Variants in ROR2 observed in about 807,000 individuals in gnomAD.
ROR2 encodes the protein tyrosine-protein kinase transmembrane receptor ROR2.
A neutral mutation model predicts 74.9 loss-of-function variants in ROR2; 33 were observed. The ratio of observed to expected loss-of-function variants is 0.44; its 90% CI spans 0.33 to 0.59. The LOEUF (loss-of-function observed/expected upper bound fraction) is 0.59, where lower values mean the gene tolerates loss of function less well. Ranked by LOEUF, ROR2 falls within the 20% of genes least tolerant of loss-of-function variation. The probability of loss-of-function intolerance (pLI) is 0.02; values close to 1 mark genes in which losing one functional copy is unlikely to be tolerated. For missense variants in ROR2, 1,216 were observed against 1,313.8 expected (o/e 0.93, Z 1.15); for synonymous variants, 586 against 558.7 (o/e 1.05, Z -0.69).
At chr9:91,745,611 G>C (rs1256023976) in intron 4 of ROR2, among the ~76,000 whole-genome samples, 1 of 150,740 alleles carries the variant, frequency 6.6e-6, no homozygotes, top group Non-Finnish European at 1.5e-5. Context: ...TTTTTAGTAG[G>C]GATGGGGTTT....
intron 1 of ROR2, among the ~76,000 whole-genome samples, chr9:91,804,311 C>T (rs1437477968): frequency 6.6e-6 from 1 of 152,180 alleles, no homozygotes; most frequent in African/African-American, 2.4e-5. Flanking sequence ...TGATTTGAAA[C>T]GTTGAGGCAA....
At chr9:91,768,118 C>A (rs1298515638) in intron 2 of ROR2, among the ~76,000 whole-genome samples, 1 of 152,180 alleles carries the variant, frequency 6.6e-6, no homozygotes, top group Non-Finnish European at 1.5e-5. Flanking sequence ...GCCAGCAATG[C>A]CTGGAGCTCA....
chr9:91,780,071 G>A (rs1242803800), intron 1 of ROR2, among the ~76,000 whole-genome samples: 3 of 152,196 alleles, frequency 2.0e-5, no homozygotes, highest in Admixed American at 6.5e-5. Flanking sequence ...TGCAATAGCT[G>A]GAGGTGCAGA....
In ROR2 at chr9:91,866,417, C is replaced by CTT. The variant is rs59024037; in HGVS notation, c.97+83448_97+83449dup. Among the ~76,000 whole-genome samples, 266 of 103,882 alleles carry CTT rather than the reference C, an allele frequency of 2.6e-3. 3 individuals carry two copies. Among genetic ancestry groups the CTT allele is most frequent in the Middle Eastern group, 7.1e-3 (1 of 140 alleles). The allele number at this position is 103,882 out of a possible 152,430, so 68.2% of individuals were successfully genotyped here. On this transcript the variant is annotated intron_variant, in intron 1 of 8. Coordinates refer to ENST00000375708, the MANE Select transcript of ROR2 (RefSeq NM_004560.4). ...ACAGGCATAAGCCACCACGCCCAGT[C>CTT]TTTTTTTTTTTTTTTTTTTTTTGAG...
chr9:91,725,748 T>TA (rs143112265), intron 8 of ROR2, among the ~76,000 whole-genome samples: 6,333 of 152,146 alleles, frequency 0.042, 374 homozygotes, highest in African/African-American at 0.13. Flanking sequence ...TCTCTCGGCC[T>TA]CTATGACACC....
intron 5 of ROR2, among the ~76,000 whole-genome samples, chr9:91,734,518 C>T (rs1824957154): frequency 6.6e-6 from 1 of 152,166 alleles, no homozygotes; most frequent in South Asian, 2.1e-4. Flanking sequence ...CCTTGACCTC[C>T]AGGCAAGGAA....
intron 1 of ROR2, among the ~76,000 whole-genome samples, chr9:91,820,019 T>C (rs1442248573): frequency 6.6e-6 from 1 of 152,212 alleles, no homozygotes; most frequent in Non-Finnish European, 1.5e-5. Flanking sequence ...TGTGCACACC[T>C]GTCATATGAA....
At chr9:91,831,377 T>A (rs961470525) in intron 1 of ROR2, among the ~76,000 whole-genome samples, 1 of 152,088 alleles carries the variant, frequency 6.6e-6, no homozygotes, top group South Asian at 2.1e-4. Flanking sequence ...GAATCAAATA[T>A]CTTCTTGGAA....
intron 1 of ROR2, among the ~76,000 whole-genome samples, chr9:91,838,619 C>T (rs1421630528): frequency 1.3e-5 from 2 of 152,196 alleles, no homozygotes; most frequent in Non-Finnish European, 2.9e-5. Flanking sequence ...CCTCACCAGG[C>T]TCGCAGGCAG....
chr9:91,847,199 T>C (rs1000825603), intron 1 of ROR2, among the ~76,000 whole-genome samples: 1 of 152,172 alleles, frequency 6.6e-6, no homozygotes, highest in Non-Finnish European at 1.5e-5. Flanking sequence ...AAGGCATCAG[T>C]ATGTGCAGGT....
At chr9:91,914,942 C>A (rs1436087067) in intron 1 of ROR2, among the ~76,000 whole-genome samples, 1 of 149,544 alleles carries the variant, frequency 6.7e-6, no homozygotes, top group Non-Finnish European at 1.5e-5. Context: ...TATCATCTTT[C>A]ATATGGGTAG....
chr9:91,836,887 A>G (rs1053729384), intron 1 of ROR2, among the ~76,000 whole-genome samples: 1 of 152,266 alleles, frequency 6.6e-6, no homozygotes, highest in African/African-American at 2.4e-5. Context: ...CTGTCCATTC[A>G]GTCTGTCTGC....
chr9:91,761,433 A>G (rs1473034419), intron 2 of ROR2, among the ~76,000 whole-genome samples: 1 of 152,176 alleles, frequency 6.6e-6, no homozygotes, highest in African/African-American at 2.4e-5. Flanking sequence ...TGGGAGTGAC[A>G]GGAGACAGTG....
At position 91,927,155 on chromosome 9, in the gene ROR2, CAGACCGTAAGTCTTTCAAGACCCA is replaced by C. The variant is rs1831426662; in HGVS notation, c.97+22688_97+22711del. Among the ~76,000 whole-genome samples, 3 of 152,204 alleles carry C rather than the reference CAGACCGTAAGTCTTTCAAGACCCA, an allele frequency of 2.0e-5. No individual in the cohort carries two copies. The South Asian group carries it at 6.2e-4, about 32-fold the overall frequency. ...CCCACCAGAGCAAAGTGATCTTTTT[CAGACCGTAAGTCTTTCAAGACCCA>C]AACTGCGTCCTGGACACAGCTGGGT... On this transcript the variant is annotated intron_variant, in intron 1 of 8. Coordinates refer to ENST00000375708, the MANE Select transcript of ROR2 (RefSeq NM_004560.4).
chr9:91,907,453 T>C (rs546135334), intron 1 of ROR2, among the ~76,000 whole-genome samples: 1 of 152,344 alleles, frequency 6.6e-6, no homozygotes, highest in East Asian at 1.9e-4. Flanking sequence ...TTGCCCAATT[T>C]CTTTTTAGGA....
intron 1 of ROR2, among the ~76,000 whole-genome samples, chr9:91,835,061 G>A (rs1563989411): frequency 6.6e-6 from 1 of 151,978 alleles, no homozygotes; most frequent in Non-Finnish European, 1.5e-5. Context: ...ACAACACATG[G>A]TGATGGAGCT....
chr9:91,778,554 C>A (rs1186916803), intron 1 of ROR2, among the ~76,000 whole-genome samples: 1 of 152,182 alleles, frequency 6.6e-6, no homozygotes, highest in African/African-American at 2.4e-5. Context: ...AGAGAAGAGG[C>A]CACGTGGCCT....
At chr9:91,876,168 T>G (rs1829950223) in intron 1 of ROR2, among the ~76,000 whole-genome samples, 1 of 151,954 alleles carries the variant, frequency 6.6e-6, no homozygotes, top group Non-Finnish European at 1.5e-5. Context: ...AGGTCAGGAA[T>G]TCAAGGCCAG....
intron 1 of ROR2, among the ~76,000 whole-genome samples, chr9:91,845,666 G>A (rs1293895683): frequency 3.3e-5 from 5 of 152,000 alleles, no homozygotes; most frequent in African/African-American, 1.2e-4. Context: ...CGGATCACCT[G>A]AGGTCAGGCG....
Sources: gnomAD v4.1 joint callset for allele counts (sites outside exome capture counted in the v4.1 genomes callset) on GRCh38, gnomAD v4.1.1 for gene constraint, MANE v1.5 for transcripts, NCBI Gene and HGNC (gene_info 2026-07-23, HGNC 2026-07-21) for gene names.